The following NCOA2 variants were observed in gnomAD, a reference collection of about 807,000 sequenced individuals.
The protein encoded by NCOA2 is class E basic helix-loop-helix protein 75.
Under a neutral mutation model 145.1 loss-of-function variants are expected in NCOA2, and 21 were observed. The observed-to-expected ratio is 0.14, with a 90% confidence interval of 0.10 to 0.21. The LOEUF (loss-of-function observed/expected upper bound fraction) is 0.21, where lower values mean the gene tolerates loss of function less well. Ranked by LOEUF, NCOA2 falls within the 10% of genes least tolerant of loss-of-function variation. The pLI is 1.00. For missense variants in NCOA2, 1,472 were observed against 1,837.6 expected (o/e 0.80, Z 3.64); for synonymous variants, 619 against 637.5 (o/e 0.97, Z 0.44).
chr8:70,157,392 AT>A (rs1812413237), intron 10 of NCOA2, among the ~76,000 whole-genome samples, 152 bp from the exon 11 acceptor site: 1 of 152,270 alleles, frequency 6.6e-6, no homozygotes, highest in South Asian at 2.1e-4. Context: ...ATCTGCAATT[AT>A]TGACAAGACT....
chr8:70,384,422 GTTTTA>G (rs1345613677), intron 1 of NCOA2, among the ~76,000 whole-genome samples: 2 of 152,104 alleles, frequency 1.3e-5, no homozygotes, highest in African/African-American at 4.8e-5. Flanking sequence ...CTCAAAAGGG[GTTTTA>G]TTTTAAATTA....
intron 6 of NCOA2, 102 bp from the exon 7 acceptor site, chr8:70,166,856 T>C (rs777989558): frequency 5.7e-6 from 6 of 1,059,502 alleles, no homozygotes; most frequent in African/African-American, 1.6e-5. Flanking sequence ...TTATTTCATC[T>C]TTATGTACTA....
intron 5 of NCOA2, among the ~76,000 whole-genome samples, 164 bp from the exon 6 acceptor site, chr8:70,170,543 C>T (rs1474236456): frequency 1.3e-5 from 2 of 152,198 alleles, no homozygotes. Context: ...AACACATTTT[C>T]TCTTGGTGAA....
At chr8:70,159,420 C>T (rs1812709319) in intron 10 of NCOA2, 85 bp downstream of exon 10, 1 of 1,252,578 alleles carries the variant, frequency 8.0e-7, no homozygotes, top group South Asian at 1.6e-5. Flanking sequence ...CTAACAAATC[C>T]TCAAAGCTCT....
chr8:70,413,318 C>T, the NCOA2 span, among the ~76,000 whole-genome samples: 1 of 152,022 alleles, frequency 6.6e-6, no homozygotes, highest in South Asian at 2.1e-4. Flanking sequence ...TTTTTTCAAG[C>T]AAATCTTCTG....
chr8:70,219,458 C>T (rs981860202), intron 2 of NCOA2, among the ~76,000 whole-genome samples: 1 of 152,184 alleles, frequency 6.6e-6, no homozygotes. Context: ...CCAGTACACA[C>T]CTCCAACCCA....
chr8:70,242,693 C>T (rs1221325597), intron 2 of NCOA2, among the ~76,000 whole-genome samples: 1 of 152,086 alleles, frequency 6.6e-6, no homozygotes, highest in East Asian at 1.9e-4. Flanking sequence ...TCAAATGTCT[C>T]TAAAATATAG....
At chr8:70,293,006 T>A (rs1826813980) in intron 2 of NCOA2, among the ~76,000 whole-genome samples, 1 of 152,222 alleles carries the variant, frequency 6.6e-6, no homozygotes, top group Non-Finnish European at 1.5e-5. Context: ...GTGATTCTAC[T>A]CTGAACAGTT....
intron 1 of NCOA2, 73 bp downstream of exon 1, chr8:70,403,627 T>G (rs985288753): frequency 3.0e-6 from 1 of 335,512 alleles, no homozygotes; most frequent in African/African-American, 2.3e-5. Flanking sequence ...CGGCCGGGGG[T>G]GGGGACGCGG....
At chr8:70,452,664 A>G in the NCOA2 span, among the ~76,000 whole-genome samples, 2 of 152,188 alleles carry the variant, frequency 1.3e-5, no homozygotes, top group African/African-American at 2.4e-5. Flanking sequence ...CTAAAAACCA[A>G]TTAATTGTAC....
chr8:70,332,723 C>T (rs1174671228), intron 1 of NCOA2, among the ~76,000 whole-genome samples: 1 of 152,148 alleles, frequency 6.6e-6, no homozygotes, highest in Non-Finnish European at 1.5e-5. Flanking sequence ...AAGTGACCAA[C>T]ACTTGCTTTC....
intron 11 of NCOA2, among the ~76,000 whole-genome samples, chr8:70,153,184 G>A (rs1053460874): frequency 2.0e-5 from 3 of 152,132 alleles, no homozygotes; most frequent in South Asian, 4.1e-4. Context: ...AAGGGAGGGC[G>A]AGACCAGAGA....
intron 2 of NCOA2, among the ~76,000 whole-genome samples, chr8:70,289,708 G>C (rs1399946017): frequency 6.6e-6 from 1 of 152,072 alleles, no homozygotes; most frequent in East Asian, 1.9e-4. Flanking sequence ...ATACACAGTG[G>C]CACCACAAAA....
intron 2 of NCOA2, among the ~76,000 whole-genome samples, chr8:70,264,410 C>T (rs1824393600): frequency 6.6e-6 from 1 of 151,710 alleles, no homozygotes; most frequent in Non-Finnish European, 1.5e-5. Flanking sequence ...TGGGTGGATC[C>T]CCTGATCCCA....
chr8:70,232,167 A>C (rs1821196241), intron 2 of NCOA2, among the ~76,000 whole-genome samples: 1 of 151,978 alleles, frequency 6.6e-6, no homozygotes, highest in African/African-American at 2.4e-5. Flanking sequence ...TTCCTCCCCA[A>C]CAGTCTTCAG....
chr8:70,218,396 A>G (rs943877535), intron 2 of NCOA2, among the ~76,000 whole-genome samples: 3 of 152,096 alleles, frequency 2.0e-5, no homozygotes, highest in Non-Finnish European at 4.4e-5. Flanking sequence ...CTGTGGTCAC[A>G]ATTTTGGCCT....
intron 4 of NCOA2, among the ~76,000 whole-genome samples, chr8:70,194,150 A>G (rs1256078853): frequency 6.6e-6 from 1 of 152,212 alleles, no homozygotes; most frequent in Non-Finnish European, 1.5e-5. Flanking sequence ...TGTACAAAAC[A>G]ACAGAAATGA....
At chr8:70,366,824 G>C (rs1810733807) in intron 1 of NCOA2, among the ~76,000 whole-genome samples, 1 of 151,470 alleles carries the variant, frequency 6.6e-6, no homozygotes, top group Admixed American at 6.6e-5. Flanking sequence ...TTTAGGCAAA[G>C]ATGGGATCTC....
the NCOA2 span, chr8:70,424,196 G>C: frequency 3.6e-6 from 1 of 280,472 alleles, no homozygotes; most frequent in Non-Finnish European, 6.9e-6. Flanking sequence ...CTTCAGACAC[G>C]AAGACCCCAG....
Sources: gnomAD v4.1 joint callset for allele counts (sites outside exome capture counted in the v4.1 genomes callset) on GRCh38, gnomAD v4.1.1 for gene constraint, MANE v1.5 for transcripts, NCBI Gene and HGNC (gene_info 2026-07-23, HGNC 2026-07-21) for gene names.